PARD3B: variants seen among roughly 807,000 people sequenced by gnomAD.
The protein encoded by PARD3B is par-3 family cell polarity regulator beta.
Under a neutral mutation model 130.2 loss-of-function variants are expected in PARD3B, and 103 were observed. The observed-to-expected ratio is 0.79, with a 90% CI of 0.67 to 0.93. PARD3B has a LOEUF of 0.93. Ranked by LOEUF, PARD3B falls within the 40% of genes least tolerant of loss-of-function variation. PARD3B has a pLI of 0.00. For missense variants in PARD3B, 1,609 were observed against 1,499.2 expected (o/e 1.07, Z -1.21); for synonymous variants, 583 against 553.2 (o/e 1.05, Z -0.76).
At chr2:205,199,490 T>A (rs1205488482) in intron 15 of PARD3B, among the ~76,000 whole-genome samples, 1 of 151,800 alleles carries the variant, frequency 6.6e-6, no homozygotes, top group Non-Finnish European at 1.5e-5. Flanking sequence ...CACACACATA[T>A]ATATACACAC....
At chr2:205,255,296 C>G (rs1457435069) in intron 16 of PARD3B, among the ~76,000 whole-genome samples, 1 of 152,262 alleles carries the variant, frequency 6.6e-6, no homozygotes, top group Non-Finnish European at 1.5e-5. Context: ...CAGTCAGTTC[C>G]TGTAAGAGAT....
At chr2:205,416,926 C>T (rs1239009181) in intron 19 of PARD3B, among the ~76,000 whole-genome samples, 2 of 150,824 alleles carry the variant, frequency 1.3e-5, no homozygotes, top group Non-Finnish European at 1.5e-5. Flanking sequence ...CCTTTCTTTT[C>T]TTTTCTTTTC....
chr2:205,463,543 C>T lies in PARD3B; in HGVS notation c.3044+22871C>T, dbSNP rs532007915. Among the ~76,000 whole-genome samples the T allele has an allele frequency of 1.2e-4, 18 of 151,460 alleles. No homozygotes were observed. The highest frequency in any genetic ancestry group is 2.1e-4 in the South Asian group (1 of 4,788). ...CTATAAGCTCAGTGAGCTCTGAGAA[C>T]GGGGAGAGAGATCATTACACTTCTG... On this transcript the variant is annotated intron_variant, in intron 20 of 22. Coordinates refer to ENST00000406610, the MANE Select transcript of PARD3B (RefSeq NM_001302769.2). The surrounding 1 kb of genome is among the most constrained non-coding windows in gnomAD (Gnocchi z 4.8).
intron 18 of PARD3B, among the ~76,000 whole-genome samples, chr2:205,324,965 A>G (rs2042888985): frequency 6.6e-6 from 1 of 152,162 alleles, no homozygotes; most frequent in Non-Finnish European, 1.5e-5. Flanking sequence ...CTTTTCTCTC[A>G]CCTGTGAAGA....
rs2042143017 is a variant in PARD3B, at chr2:205,305,075, C to T, written c.2630+3374C>T. On this transcript the variant is annotated intron_variant, in intron 18 of 22. Coordinates refer to ENST00000406610, the MANE Select transcript of PARD3B (RefSeq NM_001302769.2). ...TAGAAGGGCATTTGAGTGAGATGAGCAGAAGGTGTGAGCTTCATAGGCAGA... is the reference window on the plus strand; with the variant it reads ...TAGAAGGGCATTTGAGTGAGATGAGTAGAAGGTGTGAGCTTCATAGGCAGA... Among the ~76,000 whole-genome samples, 3 of 152,160 alleles carry T rather than the reference C, an allele frequency of 2.0e-5. No homozygotes were observed. In the South Asian group the frequency reaches 6.2e-4, roughly 32 times the overall value.
At chr2:204,684,317 A>G (rs1428500380) in intron 1 of PARD3B, among the ~76,000 whole-genome samples, 1 of 152,208 alleles carries the variant, frequency 6.6e-6, no homozygotes, top group Non-Finnish European at 1.5e-5. Context: ...TTTTATAAAC[A>G]TGGTTAAAAT....
At chr2:205,515,672 G>A (rs1456406750) in intron 21 of PARD3B, among the ~76,000 whole-genome samples, 3 of 151,932 alleles carry the variant, frequency 2.0e-5, no homozygotes, top group Admixed American at 6.6e-5. Flanking sequence ...ATTTAAGTAA[G>A]TTCCTTATAG....
rs553190389 is a variant in PARD3B at position 205,584,726 on chromosome 2, A to G, written c.3261-30730A>G. The stretch of plus-strand genomic sequence containing the variant: ...TAAATAAATGATATATGTGGCTTGC[A>G]TTATTTTCTCCTGGGGCAGCAATGC... On this transcript the variant is annotated intron_variant, in intron 22 of 22. Transcript: ENST00000406610. The surrounding 1 kb of genome is among the most constrained non-coding windows in gnomAD (Gnocchi z 5.5). Among the ~76,000 whole-genome samples, 1 of 152,300 alleles carries G rather than the reference A, an allele frequency of 6.6e-6. No homozygotes were observed. The highest frequency in any genetic ancestry group is 1.9e-4 in the East Asian group (1 of 5,184).
intron 22 of PARD3B, among the ~76,000 whole-genome samples, chr2:205,594,593 A>G (rs2054503757): frequency 1.3e-5 from 2 of 152,206 alleles, no homozygotes; most frequent in Non-Finnish European, 2.9e-5. Flanking sequence ...CCCTTCCTCA[A>G]GAGCATAGCT....
intron 2 of PARD3B, among the ~76,000 whole-genome samples, chr2:204,877,814 G>A (rs2045899615): frequency 6.6e-6 from 1 of 152,198 alleles, no homozygotes; most frequent in Admixed American, 6.5e-5. Context: ...CAAATACTGT[G>A]TGTCAGTTTG....
chr2:205,368,141 A>G (rs1018569398), intron 18 of PARD3B, among the ~76,000 whole-genome samples: 3 of 152,208 alleles, frequency 2.0e-5, no homozygotes, highest in Admixed American at 1.3e-4. Flanking sequence ...AATACTTTAA[A>G]TGGGGGACAA....
intron 3 of PARD3B, among the ~76,000 whole-genome samples, chr2:205,038,574 C>T (rs371031692): frequency 2.0e-5 from 3 of 152,156 alleles, no homozygotes; most frequent in African/African-American, 7.2e-5. Context: ...GGAAGTCATT[C>T]GTCTTCAGAG....
At chr2:204,739,807 T>G (rs1211818202) in intron 2 of PARD3B, among the ~76,000 whole-genome samples, 1 of 152,044 alleles carries the variant, frequency 6.6e-6, no homozygotes, top group Admixed American at 6.6e-5. Flanking sequence ...CAGTTATTTT[T>G]ATCGGAAAAA....
chr2:204,786,917 T>A (rs2042028949), intron 2 of PARD3B, among the ~76,000 whole-genome samples: 1 of 152,022 alleles, frequency 6.6e-6, no homozygotes, highest in African/African-American at 2.4e-5. Flanking sequence ...CATTTGCCAG[T>A]CGTACACTCT....
chr2:204,582,312 T>C (rs2032601943), intron 1 of PARD3B, among the ~76,000 whole-genome samples: 1 of 152,232 alleles, frequency 6.6e-6, no homozygotes, highest in South Asian at 2.1e-4. Flanking sequence ...GCAGTTGATC[T>C]GTCAGTTTGT....
chr2:204,764,431 C>A (rs2041045567), intron 2 of PARD3B, among the ~76,000 whole-genome samples: 4 of 152,224 alleles, frequency 2.6e-5, no homozygotes, highest in Non-Finnish European at 4.4e-5. Flanking sequence ...TTCCCCCGTG[C>A]AAATTCCCTT....
At chr2:204,609,524 A>G (rs1169128888) in intron 1 of PARD3B, among the ~76,000 whole-genome samples, 1 of 152,190 alleles carries the variant, frequency 6.6e-6, no homozygotes, top group Non-Finnish European at 1.5e-5. Flanking sequence ...AGCCTAAAGA[A>G]CTGGGATATC....
intron 16 of PARD3B, among the ~76,000 whole-genome samples, chr2:205,271,052 C>G (rs2040705911): frequency 6.6e-6 from 1 of 152,176 alleles, no homozygotes; most frequent in Non-Finnish European, 1.5e-5. Context: ...AAAAATAATA[C>G]ATTCTGCCAC....
Position 205,281,565 on chromosome 2 carries a change from T to A in PARD3B, c.2186-18965T>A, listed in dbSNP as rs557709005. ...ATTGTAACAAACCAGGAAATCCACT[T>A]TTTTTCCTAAGTTGGGAAAATACAT... On this transcript the variant is annotated intron_variant, in intron 16 of 22. Transcript: ENST00000406610. This position sits in a 1 kb window ranked among gnomAD's most constrained non-coding sequence, Gnocchi z 4.2. Among the ~76,000 whole-genome samples, 7 of 152,298 alleles carry A rather than the reference T, an allele frequency of 4.6e-5. No homozygotes were observed. The East Asian group carries it at 1.4e-3, about 29-fold the overall frequency.
Sources: allele counts gnomAD v4.1 joint callset (sites outside exome capture counted in the v4.1 genomes callset), GRCh38; gene constraint gnomAD v4.1.1; non-coding constraint Gnocchi (gnomAD v3.1); transcripts MANE v1.5; gene names NCBI Gene and HGNC (gene_info 2026-07-23, HGNC 2026-07-21).